ANO3: variants seen among roughly 807,000 people sequenced by gnomAD.
ANO3 encodes anoctamin-3.
A neutral mutation model predicts 144.8 loss-of-function variants in ANO3; 99 were observed. That is an observed-to-expected ratio of 0.68 (90% CI 0.58 to 0.81). The LOEUF is 0.81. Among genes scored for constraint, ANO3 ranks in the 30% least tolerant of loss-of-function variants. The pLI is 0.00. For missense variants in ANO3, 905 were observed against 1,202.2 expected (o/e 0.75, Z 3.66); for synonymous variants, 414 against 392.6 (o/e 1.05, Z -0.64).
intron 1 of ANO3, among the ~76,000 whole-genome samples, chr11:26,375,457 A>C (rs1856379100): frequency 6.6e-6 from 1 of 152,214 alleles, no homozygotes; most frequent in African/African-American, 2.4e-5. Context: ...ATTCATCTAC[A>C]AATAATAAGT....
intron 1 of ANO3, among the ~76,000 whole-genome samples, chr11:26,271,946 T>A (rs570214601): frequency 6.6e-6 from 1 of 152,156 alleles, no homozygotes; most frequent in South Asian, 2.1e-4. Flanking sequence ...TGTTTAGTAT[T>A]GAGCATATAC....
chr11:26,389,655 T>C (rs1856825509), intron 1 of ANO3, among the ~76,000 whole-genome samples: 1 of 152,096 alleles, frequency 6.6e-6, no homozygotes, highest in Admixed American at 6.6e-5. Flanking sequence ...TCTTACATTA[T>C]AATCATGAAT....
At chr11:26,258,029 G>GT (rs1164897987) in intron 1 of ANO3, among the ~76,000 whole-genome samples, 2 of 152,104 alleles carry the variant, frequency 1.3e-5, no homozygotes, top group East Asian at 1.9e-4. Context: ...TATAACATAT[G>GT]TGAGTGTCTT....
At chr11:26,275,592 G>T (rs915528401) in intron 1 of ANO3, among the ~76,000 whole-genome samples, 1 of 152,126 alleles carries the variant, frequency 6.6e-6, no homozygotes, top group African/African-American at 2.4e-5. Flanking sequence ...CTCCTTTGAG[G>T]ATGGAGGCAG....
At chr11:26,487,284 C>T (rs571146238) in intron 4 of ANO3, among the ~76,000 whole-genome samples, 18 of 152,190 alleles carry the variant, frequency 1.2e-4, no homozygotes, top group African/African-American at 3.6e-4. Flanking sequence ...CAGGGGTTTC[C>T]GGTTTTGCTT....
intron 1 of ANO3, among the ~76,000 whole-genome samples, chr11:26,255,220 G>T (rs2133822710): frequency 6.6e-6 from 1 of 152,230 alleles, no homozygotes. Context: ...AGGCAACAAA[G>T]GCATTTTTTC....
chr11:26,528,086 C>G (rs1022406156), intron 7 of ANO3, among the ~76,000 whole-genome samples: 2 of 152,078 alleles, frequency 1.3e-5, no homozygotes, highest in African/African-American at 4.8e-5. Context: ...TGCAAGACGT[C>G]CAACACAATA....
At chr11:26,566,022 T>C in intron 14 of ANO3, 2 of 1,040,032 alleles carry the variant, frequency 1.9e-6, no homozygotes, top group Admixed American at 6.9e-5. Context: ...ATATTTTTAT[T>C]CCAAAATTGC....
chr11:26,657,935 GT>G (rs139410724), intron 26 of ANO3, among the ~76,000 whole-genome samples: 1 of 151,906 alleles, frequency 6.6e-6, no homozygotes, highest in Admixed American at 6.6e-5. Context: ...CTCTGTAGAT[GT>G]TTTTTATTTG....
intron 1 of ANO3, among the ~76,000 whole-genome samples, chr11:26,247,527 TAGTC>T (rs760026990): frequency 6.6e-6 from 1 of 152,188 alleles, no homozygotes; most frequent in Non-Finnish European, 1.5e-5. Context: ...TTGGTTTTGT[TAGTC>T]AGAGAAACCA....
chr11:26,302,571 C>T (rs189684356), intron 1 of ANO3, among the ~76,000 whole-genome samples: 31 of 152,124 alleles, frequency 2.0e-4, no homozygotes, highest in African/African-American at 6.0e-4. Context: ...AATAAACTAA[C>T]GGCCTTAAAC....
intron 14 of ANO3, among the ~76,000 whole-genome samples, chr11:26,570,348 C>G (rs1850773200): frequency 6.6e-6 from 1 of 152,112 alleles, no homozygotes; most frequent in South Asian, 2.1e-4. Flanking sequence ...GTAAGGGAAG[C>G]AAACCCACAT....
chr11:26,552,317 T>G (rs887554555), intron 12 of ANO3, among the ~76,000 whole-genome samples: 1 of 151,956 alleles, frequency 6.6e-6, no homozygotes, highest in Admixed American at 6.6e-5. Context: ...ACGCATTCTT[T>G]TTTTTGGTTC....
At chr11:26,527,654 C>T (rs933156285) in intron 7 of ANO3, among the ~76,000 whole-genome samples, 3 of 152,084 alleles carry the variant, frequency 2.0e-5, no homozygotes, top group South Asian at 2.1e-4. Flanking sequence ...TAGTTTTGAC[C>T]GGTACATATT....
Position 26,662,307 on chromosome 11 carries a change from C to T in ANO3, c.*1863C>T, listed in dbSNP as rs1322192789. The stretch of plus-strand genomic sequence containing the variant: ...CTTCCATTCAGATTCCAGAGAGGTT[C>T]TCATGCTCCCCCCCCTCCTTATTTG... On this transcript the variant is annotated 3_prime_UTR_variant, in exon 27 of 27. Transcript: ENST00000256737. 1 of 128,732 alleles carries T rather than the reference C, an allele frequency of 7.8e-6. No individual in the cohort carries two copies. The highest frequency in any genetic ancestry group is 2.3e-4 in the South Asian group (1 of 4,374). 8.0% of individuals were successfully genotyped at this position (128,732 alleles called of 1,614,324 possible).
chr11:26,454,795 C>G (rs1212552733), intron 3 of ANO3, among the ~76,000 whole-genome samples: 1 of 152,090 alleles, frequency 6.6e-6, no homozygotes, highest in African/African-American at 2.4e-5. Context: ...GACCAATATC[C>G]TTGATGAACA....
Position 26,224,710 on chromosome 11 carries a change from A to C in ANO3, c.154+35380A>C, listed in dbSNP as rs3108811. On this transcript the variant is annotated intron_variant, in intron 1 of 27. Transcript: ENST00000672621. Reference sequence around the variant, plus strand: ...AAGGCTTTCTTCAACTGTTCATTAAAAGTATCTACTATAATTGTTGCCTGT... The same window carrying C: ...AAGGCTTTCTTCAACTGTTCATTAACAGTATCTACTATAATTGTTGCCTGT... 3.0e-4 allele frequency among the ~76,000 whole-genome samples: 46 copies of C among 152,344 alleles called. No individual in the cohort carries two copies. In the East Asian group the frequency reaches 8.5e-3, roughly 28 times the overall value.
chr11:26,251,993 G>A (rs945001973), intron 1 of ANO3, among the ~76,000 whole-genome samples: 1 of 152,174 alleles, frequency 6.6e-6, no homozygotes, highest in Non-Finnish European at 1.5e-5. Flanking sequence ...TATATGCAAT[G>A]TATGAAATGG....
At chr11:26,592,666 T>C in intron 14 of ANO3, among the ~76,000 whole-genome samples, 1 of 150,606 alleles carries the variant, frequency 6.6e-6, no homozygotes, top group East Asian at 2.0e-4. Context: ...GGGGATTATT[T>C]CTTTGGCACA....
Sources: gnomAD v4.1 joint callset for allele counts (sites outside exome capture counted in the v4.1 genomes callset) on GRCh38, gnomAD v4.1.1 for gene constraint, MANE v1.5 for transcripts, NCBI Gene and HGNC (gene_info 2026-07-23, HGNC 2026-07-21) for gene names.